The following NFKB1 variants were observed in gnomAD, a reference collection of about 807,000 sequenced individuals.
NFKB1 encodes nuclear factor kappa B subunit 1.
In NFKB1, 9 loss-of-function variants were observed where a neutral mutation model predicts 105.1. The ratio of observed to expected loss-of-function variants is 0.09; its 90% CI spans 0.05 to 0.15. The LOEUF is 0.15. NFKB1 is among the 10% of genes least tolerant of loss of function. NFKB1 has a pLI of 1.00. For missense variants in NFKB1, 830 were observed against 1,203.7 expected, an observed-to-expected ratio of 0.69 and a Z score of 4.59; for synonymous variants, 440 against 442.2, an observed-to-expected ratio of 1.00 and a Z score of 0.06.
Position 102,616,542 on chromosome 4 carries a change from A to G in NFKB1, c.2858A>G (p.Asn953Ser). 6.2e-7 allele frequency: 1 copy of G among 1,614,102 alleles called. No homozygotes were observed. The highest frequency in any genetic ancestry group is 8.5e-7 in the Non-Finnish European group (1 of 1,180,022). ...LTSGASLLTL[N>S]KMPHDYGQEG... is the part of the protein sequence containing the mutation. ...AGTGGTGCCTCACTGCTAACTCTCA[A>G]CAAAATGCCCCATGATTATGGGCAG... Residue 953 changes from asparagine (N) to serine (S), a missense_variant, in exon 24 of 24, where the codon AAC (asparagine) becomes AGC (serine). Asn to Ser is a conservative substitution (Grantham distance 46, BLOSUM62 1). Coordinates refer to ENST00000226574, the MANE Select transcript of NFKB1 (RefSeq NM_003998.4).
At chr4:102,517,821 A>G (rs1740302308) in intron 1 of NFKB1, among the ~76,000 whole-genome samples, 1 of 152,206 alleles carries the variant, frequency 6.6e-6, no homozygotes, top group Non-Finnish European at 1.5e-5. Context: ...GTCATTCTGA[A>G]TGATTAATCT....
intron 1 of NFKB1, among the ~76,000 whole-genome samples, chr4:102,511,879 G>T (rs1156976824): frequency 1.3e-5 from 2 of 152,156 alleles, no homozygotes; most frequent in South Asian, 4.1e-4. Context: ...CCCTTTCTTA[G>T]TTAGGACCCC....
chr4:102,573,886 CT>C (rs893678970), intron 6 of NFKB1, among the ~76,000 whole-genome samples: 290 of 149,648 alleles, frequency 1.9e-3, no homozygotes, highest in African/African-American at 6.5e-3. Flanking sequence ...TGTTTGGGGT[CT>C]TTTTTTTTCA....
rs535342071 is a variant in NFKB1, at chr4:102,560,370, A to G, written c.259-6617A>G. ...AAGATAAAACTTTCAGAGCAAAGTT[A>G]TACATAGAGATTTTATTCATCGTCT... On this transcript the variant is annotated intron_variant, in intron 5 of 23. Coordinates refer to ENST00000226574, the MANE Select transcript of NFKB1 (RefSeq NM_003998.4). Among the ~76,000 whole-genome samples the G allele has an allele frequency of 2.0e-5, 3 of 152,362 alleles. No homozygotes were observed. In the East Asian group the frequency reaches 5.8e-4, roughly 29 times the overall value.
chr4:102,505,684 A>G (rs1739374537), intron 1 of NFKB1, among the ~76,000 whole-genome samples: 2 of 152,192 alleles, frequency 1.3e-5, no homozygotes, highest in South Asian at 4.1e-4. Flanking sequence ...ATTCTTTAAA[A>G]TAGCCAAAAT....
chr4:102,594,787 C>T (rs569358680), intron 12 of NFKB1, 105 bp from the exon 13 acceptor site: 4 of 734,364 alleles, frequency 5.4e-6, no homozygotes, highest in African/African-American at 5.1e-5. Context: ...CAATACTGTC[C>T]TGTCACACCA....
chr4:102,551,367 T>TGTGTGTGTGTGTGTGCGCGC (rs370790173), intron 5 of NFKB1, among the ~76,000 whole-genome samples: 5 of 150,092 alleles, frequency 3.3e-5, no homozygotes, highest in African/African-American at 9.8e-5. Flanking sequence ...TGTGTGTGTG[T>TGTGTGTGTGTGTGTGCGCGC]GCGCGCGCGC....
At chr4:102,575,555 C>T (rs975616449) in intron 6 of NFKB1, among the ~76,000 whole-genome samples, 1 of 152,114 alleles carries the variant, frequency 6.6e-6, no homozygotes, top group Non-Finnish European at 1.5e-5. Flanking sequence ...CTACATTGAC[C>T]TCCTTGCCTT....
At chr4:102,610,354 G>T (rs995864330) in intron 19 of NFKB1, among the ~76,000 whole-genome samples, 15 of 152,238 alleles carry the variant, frequency 9.9e-5, no homozygotes, top group African/African-American at 3.6e-4. Context: ...AGTATCTTTG[G>T]CTATTTCAGG....
chr4:102,536,794 T>C (rs1045283496), intron 4 of NFKB1, among the ~76,000 whole-genome samples: 1 of 152,136 alleles, frequency 6.6e-6, no homozygotes, highest in Admixed American at 6.6e-5. Flanking sequence ...AAGGTGAGAA[T>C]GTTCCTTAAA....
At chr4:102,566,260 T>G (rs1446109911) in intron 5 of NFKB1, among the ~76,000 whole-genome samples, 2 of 152,220 alleles carry the variant, frequency 1.3e-5, no homozygotes, top group Non-Finnish European at 2.9e-5. Flanking sequence ...TAAATTACTT[T>G]AAATAGAAAA....
chr4:102,509,670 G>A (rs898975043), intron 1 of NFKB1, among the ~76,000 whole-genome samples: 1 of 152,124 alleles, frequency 6.6e-6, no homozygotes, highest in Non-Finnish European at 1.5e-5. Flanking sequence ...GAATGCGGTT[G>A]TTAGCCTGTT....
At chr4:102,501,919 T>G (rs887858747) in intron 1 of NFKB1, 131 bp downstream of exon 1, 10 of 152,166 alleles carry the variant, frequency 6.6e-5, no homozygotes, top group Admixed American at 3.9e-4. Flanking sequence ...GGCTAGACCG[T>G]GGGAGGAGGT....
At chr4:102,588,376 G>A (rs1560699332) in intron 11 of NFKB1, among the ~76,000 whole-genome samples, 1 of 151,648 alleles carries the variant, frequency 6.6e-6, no homozygotes, top group African/African-American at 2.4e-5. Context: ...CAGGGGAGAC[G>A]ATCGAAATAA....
chr4:102,511,369 T>A (rs1739770614), intron 1 of NFKB1, among the ~76,000 whole-genome samples: 1 of 152,240 alleles, frequency 6.6e-6, no homozygotes, highest in Non-Finnish European at 1.5e-5. Flanking sequence ...AATCATGTAG[T>A]CTTTTCAGTT....
intron 6 of NFKB1, among the ~76,000 whole-genome samples, chr4:102,576,434 T>C (rs1441674274): frequency 1.3e-5 from 2 of 152,212 alleles, no homozygotes; most frequent in Non-Finnish European, 2.9e-5. Flanking sequence ...CATTAAGACA[T>C]ATAGACACAT....
Position 102,607,736 on chromosome 4 carries a change from C to G in NFKB1, c.2212C>G (p.Leu738Val). 1 of 1,614,106 alleles carries G rather than the reference C, an allele frequency of 6.2e-7. No individual in the cohort carries two copies. Among genetic ancestry groups the G allele is most frequent in the Non-Finnish European group, 8.5e-7 (1 of 1,179,984 alleles). ...GAGAGGGTCCACCAGGCTGGCAGCT[C>G]TTCTCAAAGCAGCAGGTAAGATGGT... ...AGRGSTRLAA[L>V]LKAAGADPLV... Residue 738 changes from leucine (L) to valine (V), a missense_variant, in exon 19 of 24, where the codon CTT (leucine) becomes GTT (valine). Leu to Val is a conservative substitution (Grantham distance 32). Coordinates refer to ENST00000226574, the MANE Select transcript of NFKB1 (RefSeq NM_003998.4).
chr4:102,528,055 C>G (rs935429066), intron 2 of NFKB1, among the ~76,000 whole-genome samples: 1 of 151,984 alleles, frequency 6.6e-6, no homozygotes, highest in Non-Finnish European at 1.5e-5. Flanking sequence ...TTTGCATGTC[C>G]TCAGTGTTTT....
intron 9 of NFKB1, among the ~76,000 whole-genome samples, chr4:102,581,270 T>G (rs1578791342): frequency 6.6e-6 from 1 of 152,332 alleles, no homozygotes; most frequent in South Asian, 2.1e-4. Flanking sequence ...CATTCTTTTT[T>G]TAAATAAAAT....
Sources: allele counts gnomAD v4.1 joint callset (sites outside exome capture counted in the v4.1 genomes callset), GRCh38; gene constraint gnomAD v4.1.1; transcripts MANE v1.5; gene names NCBI Gene and HGNC (gene_info 2026-07-23, HGNC 2026-07-21).